Variants in UTRN observed in about 807,000 individuals in gnomAD.
UTRN encodes dystrophin-related protein 1.
A neutral mutation model predicts 463.9 loss-of-function variants in UTRN; 283 were observed. The observed-to-expected ratio is 0.61, with a 90% CI of 0.55 to 0.67. The LOEUF (loss-of-function observed/expected upper bound fraction) is 0.67, where lower values mean the gene tolerates loss of function less well. Ranked by LOEUF, UTRN falls within the 30% of genes least tolerant of loss-of-function variation. The probability of loss-of-function intolerance (pLI) is 0.00; values close to 1 mark genes in which losing one functional copy is unlikely to be tolerated. For synonymous variants in UTRN, 1,442 were observed against 1,431.5 expected (o/e 1.01, Z -0.17); for missense variants, 3,922 against 4,084.3 (o/e 0.96, Z 1.08).
chr6:144,849,616 T>TTTC (rs1472788178), intron 74 of UTRN, among the ~76,000 whole-genome samples: 1 of 152,034 alleles, frequency 6.6e-6, no homozygotes, highest in African/African-American at 2.4e-5. Context: ...GCTCTTCTCT[T>TTTC]TTCTTCATTT....
chr6:144,730,659 T>C (rs1044835847), intron 54 of UTRN, among the ~76,000 whole-genome samples, 173 bp downstream of exon 54: 1 of 152,062 alleles, frequency 6.6e-6, no homozygotes, highest in African/African-American at 2.4e-5. Context: ...GATTCTTAAA[T>C]TAAGAAAATA....
chr6:144,432,700 T>C (rs1417840577), intron 9 of UTRN, among the ~76,000 whole-genome samples: 1 of 152,062 alleles, frequency 6.6e-6, no homozygotes, highest in Non-Finnish European at 1.5e-5. Context: ...TAATATATAT[T>C]TTTTATTGAT....
chr6:144,427,860 G>A (rs754837808), intron 7 of UTRN, among the ~76,000 whole-genome samples: 4 of 152,148 alleles, frequency 2.6e-5, no homozygotes, highest in Non-Finnish European at 4.4e-5. Flanking sequence ...CTTAGTTCTC[G>A]TGGAGCTTAT....
chr6:144,595,611 G>C (rs1325968564), intron 51 of UTRN, among the ~76,000 whole-genome samples: 1 of 152,148 alleles, frequency 6.6e-6, no homozygotes, highest in Non-Finnish European at 1.5e-5. Flanking sequence ...CATGTCTTCA[G>C]AGCAGGACTA....
chr6:144,426,516 C>T (rs1785308381), intron 7 of UTRN, 57 bp downstream of exon 7: 6 of 1,510,282 alleles, frequency 4.0e-6, no homozygotes, highest in Non-Finnish European at 4.5e-6. Context: ...CCTCTCTGTC[C>T]CTTTGCTGCC....
chr6:144,462,941 T>C, intron 23 of UTRN, 75 bp downstream of exon 23: 1 of 1,188,928 alleles, frequency 8.4e-7, no homozygotes, highest in African/African-American at 1.6e-5. Context: ...TTCACGTATT[T>C]ATTATTTAAA....
chr6:144,361,424 G>GA (rs1269187972), intron 2 of UTRN, among the ~76,000 whole-genome samples: 14 of 152,094 alleles, frequency 9.2e-5, no homozygotes, highest in Admixed American at 3.9e-4. Flanking sequence ...TTTCAATTGT[G>GA]AGCTTAATCC....
intron 69 of UTRN, among the ~76,000 whole-genome samples, chr6:144,830,720 T>TTGTTTTC (rs1780596665): frequency 6.9e-6 from 1 of 145,504 alleles, no homozygotes; most frequent in African/African-American, 2.4e-5. Flanking sequence ...TTTTTGTTTT[T>TTGTTTTC]TGTTTTTTGT....
In UTRN at chr6:144,548,846, C is replaced by T. The variant is rs755543767; in HGVS notation, c.6802C>T (p.Arg2268Ter). The change falls in exon 47 of 75, where the codon CGA (arginine) becomes TGA (stop). Residue 2268 changes from arginine (R) to a stop codon, truncating the protein, a stop_gained. Transcript: ENST00000367545. LOFTEE classifies it high-confidence loss of function. ...DVEEINKTVS[R>*]MKITKADLEQ... ...AGAAGAGATCAATAAGACCGTTTCC[C>T]GAATGAAAGTAGGTGCATAGTGTAA... 5 of 1,613,548 alleles carry T rather than the reference C, an allele frequency of 3.1e-6. No homozygotes were observed. Among genetic ancestry groups the T allele is most frequent in the Admixed American group, 1.7e-5 (1 of 59,946 alleles).
At chr6:144,556,052 T>G (rs974379428) in intron 49 of UTRN, among the ~76,000 whole-genome samples, 2 of 152,236 alleles carry the variant, frequency 1.3e-5, no homozygotes, top group Admixed American at 6.5e-5. Context: ...AACTATGGTA[T>G]TTTTAAAAGT....
chr6:144,551,134 G>A, intron 48 of UTRN, 52 bp downstream of exon 48: 1 of 1,007,838 alleles, frequency 9.9e-7, no homozygotes, highest in Non-Finnish European at 1.4e-6. Flanking sequence ...CCTGCAAATG[G>A]TGACACACAC....
intron 65 of UTRN, among the ~76,000 whole-genome samples, chr6:144,810,646 A>G (rs1778523402): frequency 6.6e-6 from 1 of 152,154 alleles, no homozygotes; most frequent in Admixed American, 6.6e-5. Context: ...CAGGATAGAA[A>G]GGTAGTTTGA....
chr6:144,590,378 C>A (rs1562616240), intron 51 of UTRN, among the ~76,000 whole-genome samples: 1 of 152,026 alleles, frequency 6.6e-6, no homozygotes, highest in Admixed American at 6.6e-5. Context: ...TGATTCTTAA[C>A]AGTACAAACG....
At chr6:144,426,593 C>G in intron 7 of UTRN, 134 bp downstream of exon 7, 1 of 920,882 alleles carries the variant, frequency 1.1e-6, no homozygotes, top group East Asian at 3.1e-5. Flanking sequence ...TCTACCAAAA[C>G]CTTAAGAAAA....
At chr6:144,487,314 T>G (rs1038308139) in intron 28 of UTRN, among the ~76,000 whole-genome samples, 7 of 152,196 alleles carry the variant, frequency 4.6e-5, no homozygotes, top group Admixed American at 3.3e-4. Context: ...GTTGAAATTA[T>G]TTTTGTGAAA....
chr6:144,466,409 C>CA (rs1346553443), intron 23 of UTRN, among the ~76,000 whole-genome samples: 2 of 152,116 alleles, frequency 1.3e-5, no homozygotes, highest in Admixed American at 6.6e-5. Context: ...TAGCTGGTTC[C>CA]TTTTGTGCAT....
rs565330361 is a variant in UTRN at position 144,334,317 on chromosome 6, G to A, written c.79+42410G>A. ...CCTCCCTCTTTCCGGTGTGTGTTTG[G>A]GGGGGGTGGGGGTGGTGAGGCAGGG... On this transcript the variant is annotated intron_variant, in intron 2 of 74. Transcript: ENST00000367545. Among the ~76,000 whole-genome samples the A allele has an allele frequency of 7.9e-5, 12 of 151,370 alleles. No individual in the cohort carries two copies. In the South Asian group the frequency reaches 1.1e-3, roughly 13 times the overall value.
At chr6:144,819,904 TCCTCCTC>T (rs1304698263) in intron 65 of UTRN, among the ~76,000 whole-genome samples, 19 of 121,886 alleles carry the variant, frequency 1.6e-4, no homozygotes, top group South Asian at 3.4e-4. Flanking sequence ...CTCCTCCTCC[TCCTCCTC>T]CTCTCTCTCT....
chr6:144,397,386 T>C (rs1782535315), intron 2 of UTRN, among the ~76,000 whole-genome samples: 1 of 152,186 alleles, frequency 6.6e-6, no homozygotes, highest in Non-Finnish European at 1.5e-5. Flanking sequence ...TGGGTCATGC[T>C]AGCAGAGCAT....
Sources: gnomAD v4.1 joint callset for allele counts (sites outside exome capture counted in the v4.1 genomes callset) on GRCh38, gnomAD v4.1.1 for gene constraint, MANE v1.5 for transcripts, NCBI Gene and HGNC (gene_info 2026-07-23, HGNC 2026-07-21) for gene names.